CNIH3: variants seen among roughly 807,000 people sequenced by gnomAD.
CNIH3 encodes the protein protein cornichon homolog 3.
CNIH3 carries 14 observed loss-of-function variants against 24.1 expected under a neutral mutation model. The observed-to-expected ratio is 0.58, with a 90% CI of 0.38 to 0.91. The LOEUF is 0.91. Ranked by LOEUF, CNIH3 falls within the 40% of genes least tolerant of loss-of-function variation. The pLI, the probability that CNIH3 is intolerant of heterozygous loss-of-function variation, is 0.00. For missense variants in CNIH3, 178 were observed against 196.8 expected (o/e 0.90, Z 0.57); for synonymous variants, 68 against 73.8 (o/e 0.92, Z 0.40).
Position 224,636,091 on chromosome 1 carries a change from G to A in CNIH3, c.81+18836G>A, listed in dbSNP as rs114963428. ...AAGCCAAAACCCAAGACAGTAAAACGTCTGGGGTCAAGGGCTTAACCAGGA... is the reference window on the plus strand; with the variant it reads ...AAGCCAAAACCCAAGACAGTAAAACATCTGGGGTCAAGGGCTTAACCAGGA... On this transcript the variant is annotated intron_variant, in intron 1 of 5. Coordinates refer to ENST00000272133, the MANE Select transcript of CNIH3 (RefSeq NM_152495.2). Among the ~76,000 whole-genome samples the A allele has an allele frequency of 5.6e-3, 852 of 152,232 alleles. 8 individuals are homozygous for A. The highest frequency in any genetic ancestry group is 0.019 in the African/African-American group (802 of 41,526).
At chr1:224,508,660 A>C (rs189115936) in intron 1 of CNIH3, among the ~76,000 whole-genome samples, 1 of 152,378 alleles carries the variant, frequency 6.6e-6, no homozygotes, top group East Asian at 1.9e-4. Context: ...AACTTCAATG[A>C]TATCCCATTA....
chr1:224,721,745 A>G (rs2125224521), intron 3 of CNIH3, among the ~76,000 whole-genome samples: 1 of 152,288 alleles, frequency 6.6e-6, no homozygotes, highest in Non-Finnish European at 1.5e-5. Context: ...GAGACACCAG[A>G]AGGGCCAGAG....
At chr1:224,454,011 C>G (rs1226068898) in intron 1 of CNIH3, among the ~76,000 whole-genome samples, 1 of 152,136 alleles carries the variant, frequency 6.6e-6, no homozygotes, top group Non-Finnish European at 1.5e-5. Context: ...TTGAACTGTT[C>G]TAGTAGGATG....
chr1:224,629,260 G>A (rs1388032808), intron 1 of CNIH3, among the ~76,000 whole-genome samples: 1 of 150,968 alleles, frequency 6.6e-6, no homozygotes, highest in African/African-American at 2.5e-5. Context: ...GCCCACCTCA[G>A]CCTCCCAAAG....
At chr1:224,661,781 G>T in intron 1 of CNIH3, 1 of 221,382 alleles carries the variant, frequency 4.5e-6, no homozygotes, top group Non-Finnish European at 9.2e-6. Context: ...TTATTCTCAG[G>T]ATTTTTATCT....
chr1:224,553,617 G>C (rs775675095), intron 3 of CNIH3, among the ~76,000 whole-genome samples: 1 of 152,156 alleles, frequency 6.6e-6, no homozygotes, highest in Admixed American at 6.5e-5. Context: ...GCTACAGCCC[G>C]CTGTGGAAAG....
At chr1:224,666,038 G>A (rs999302366) in intron 1 of CNIH3, among the ~76,000 whole-genome samples, 7 of 152,164 alleles carry the variant, frequency 4.6e-5, no homozygotes, top group African/African-American at 1.7e-4. Context: ...CTTTCCCAAG[G>A]AGTTCTGAAA....
chr1:224,730,352 T>TA lies in CNIH3; in HGVS notation c.199-110_199-109insA, dbSNP rs1375265603. 32 of 681,778 alleles carry TA rather than the reference T, an allele frequency of 4.7e-5. No individual in the cohort carries two copies. The Admixed American group carries it at 5.5e-4, about 12-fold the overall frequency. The allele number at this position is 681,778 out of a possible 1,614,324, so 42.2% of individuals were successfully genotyped here. On this transcript the variant is annotated intron_variant, in intron 3 of 5. Transcript: ENST00000272133. ...TCTACGTTGCTGCAGGGAGGGCCTT[T>TA]GTGTCAACCGTCTGTGAGAGGCAGT...
At chr1:224,512,322 A>G (rs1034456395), upstream of CNIH3, among the ~76,000 whole-genome samples, 5 of 152,140 alleles carry the variant, frequency 3.3e-5, no homozygotes, top group African/African-American at 9.7e-5. Context: ...TCTCTACAGA[A>G]AATTAAAAAA....
At chr1:224,574,980 G>T in intron 4 of CNIH3, 1 of 879,550 alleles carries the variant, frequency 1.1e-6, no homozygotes, top group Non-Finnish European at 2.0e-6. Flanking sequence ...GTATAAGTAG[G>T]TGGTTAATCA....
At chr1:224,495,586 A>G (rs959327620) in intron 1 of CNIH3, among the ~76,000 whole-genome samples, 4 of 152,318 alleles carry the variant, frequency 2.6e-5, no homozygotes, top group Admixed American at 2.0e-4. Context: ...GTCTTACAGC[A>G]GTGGTGTCAC....
chr1:224,659,822 T>G (rs996470052), intron 1 of CNIH3, among the ~76,000 whole-genome samples: 12 of 152,104 alleles, frequency 7.9e-5, no homozygotes, highest in African/African-American at 2.9e-4. Context: ...GCAAAAAGGT[T>G]GAAGGAGAGA....
At chr1:224,448,614 A>T (rs990494738) in intron 1 of CNIH3, among the ~76,000 whole-genome samples, 37 of 152,204 alleles carry the variant, frequency 2.4e-4, no homozygotes, top group African/African-American at 8.9e-4. Context: ...TCATGCGTCC[A>T]TGGTGATGGA....
At chr1:224,481,874 G>A (rs934057978) in intron 1 of CNIH3, among the ~76,000 whole-genome samples, 3 of 152,242 alleles carry the variant, frequency 2.0e-5, no homozygotes, top group African/African-American at 7.2e-5. Flanking sequence ...TGGGTCCAAA[G>A]ATGCTGTCCA....
chr1:224,627,163 G>A (rs1305537975), intron 1 of CNIH3, among the ~76,000 whole-genome samples: 1 of 152,134 alleles, frequency 6.6e-6, no homozygotes, highest in East Asian at 1.9e-4. Flanking sequence ...CATGAAAGCA[G>A]AAAAAAGTCA....
intron 5 of CNIH3, among the ~76,000 whole-genome samples, chr1:224,736,247 C>T (rs1021408261): frequency 6.6e-6 from 1 of 152,114 alleles, no homozygotes; most frequent in African/African-American, 2.4e-5. Flanking sequence ...GCCTAAGCCT[C>T]CTGAGTAGCT....
At chr1:224,539,605 C>A (rs1679433716), downstream of CNIH3, among the ~76,000 whole-genome samples, 1 of 152,180 alleles carries the variant, frequency 6.6e-6, no homozygotes, top group Admixed American at 6.5e-5. Flanking sequence ...CAGTCCCAAC[C>A]TACCCTATGC....
chr1:224,496,251 G>T (rs1677434541), intron 1 of CNIH3, among the ~76,000 whole-genome samples: 1 of 152,110 alleles, frequency 6.6e-6, no homozygotes, highest in African/African-American at 2.4e-5. Context: ...ACTCGAGGAG[G>T]GTCTAATTGA....
upstream of CNIH3, chr1:224,616,253 G>C (rs1427039807): frequency 6.0e-6 from 1 of 165,404 alleles, no homozygotes; most frequent in East Asian, 1.9e-4. Flanking sequence ...CGCGCTCAGC[G>C]GAACAGGAGT....
Sources: allele counts gnomAD v4.1 joint callset (sites outside exome capture counted in the v4.1 genomes callset), GRCh38; gene constraint gnomAD v4.1.1; transcripts MANE v1.5; gene names NCBI Gene and HGNC (gene_info 2026-07-23, HGNC 2026-07-21).